The following H2BC5 variants were observed in gnomAD, a reference collection of about 807,000 sequenced individuals.
The protein encoded by H2BC5 is H2B clustered histone 5.
Under a neutral mutation model 5.7 loss-of-function variants are expected in H2BC5, and 9 were observed. The observed-to-expected ratio is 1.57, with a 90% CI of 0.95 to 2.74. The LOEUF (loss-of-function observed/expected upper bound fraction) is 2.74. H2BC5 is among the 30% of genes most tolerant of loss of function. The pLI is 0.00. For synonymous variants in H2BC5, 133 were observed against 70.9 expected (o/e 1.88, Z -4.40); for missense variants, 175 against 168.8 (o/e 1.04, Z -0.20).
chr6:26,158,187 G>A lies in H2BC5; in HGVS notation c.18G>A (p.Lys6=), dbSNP rs115064134. 1.7e-5 allele frequency: 27 copies of A among 1,614,068 alleles called. No individual in the cohort carries two copies. In the East Asian group the frequency reaches 4.0e-4, roughly 24 times the overall value. ...ACGCTACGATGCCTGAACCTACCAA[G>A]TCTGCTCCTGCCCCAAAGAAGGGCT... MPEPT[K]SAPAPKKGSK... is the part of the protein sequence containing the mutation. The change falls in exon 1 of 1, where the codon AAG becomes AAA. Residue 6 remains lysine, a synonymous_variant. Coordinates refer to ENST00000377777, the MANE Select transcript of H2BC5 (RefSeq NM_021063.4).
chr6:26,169,504 GTAA>G (rs1461419220), intron 1 of H2BC5, among the ~76,000 whole-genome samples: 2 of 151,988 alleles, frequency 1.3e-5, no homozygotes, highest in Admixed American at 1.3e-4. Context: ...TAATTTTTGA[GTAA>G]TAAAATATTG....
rs147370243 is a variant in H2BC5, at chr6:26,158,463, C to G, written c.294C>G (p.Ala98=). 3.1e-6 allele frequency: 5 copies of G among 1,614,248 alleles called. No homozygotes were observed. The South Asian group carries it at 3.3e-5, about 11-fold the overall frequency. ...STITSREIQT[A]VRLLLPGELA... The stretch of plus-strand genomic sequence containing the variant: ...TCACCTCCAGGGAGATCCAGACGGC[C>G]GTGCGCCTGCTGCTTCCGGGGGAGC... The change falls in exon 1 of 1, where the codon GCC becomes GCG. Residue 98 remains alanine (A), a synonymous_variant. Transcript: ENST00000377777.
chr6:26,158,689 T>G (rs1764285668), downstream of H2BC5: 6 of 1,306,550 alleles, frequency 4.6e-6, no homozygotes, highest in African/African-American at 8.9e-5. Context: ...TCTTTAATGT[T>G]ACGTTAGTAC....
At chr6:26,159,426 G>C (rs764419885), downstream of H2BC5, among the ~76,000 whole-genome samples, 4 of 151,956 alleles carry the variant, frequency 2.6e-5, no homozygotes, top group Non-Finnish European at 4.4e-5. Flanking sequence ...GAGTACGGAG[G>C]ACTGGAGGAG....
intron 1 of H2BC5, among the ~76,000 whole-genome samples, chr6:26,164,633 T>C (rs1764394414): frequency 1.3e-5 from 2 of 151,626 alleles, no homozygotes; most frequent in Non-Finnish European, 2.9e-5. Flanking sequence ...TTATTGATAG[T>C]TCATCTGGAT....
chr6:26,162,692 G>A (rs558464241), downstream of H2BC5, among the ~76,000 whole-genome samples: 24 of 152,072 alleles, frequency 1.6e-4, no homozygotes, highest in African/African-American at 5.8e-4. Context: ...GCACACCACC[G>A]CACTCGGCTA....
At chr6:26,167,049 CTTTTTTTT>C (rs149341201) in intron 1 of H2BC5, among the ~76,000 whole-genome samples, 128 of 97,040 alleles carry the variant, frequency 1.3e-3, no homozygotes, top group Admixed American at 5.4e-3. Flanking sequence ...TTTGTTTTCT[CTTTTTTTT>C]TTTTTTTTTT....
At chr6:26,162,756 C>T (rs1489210765), downstream of H2BC5, among the ~76,000 whole-genome samples, 1 of 152,162 alleles carries the variant, frequency 6.6e-6, no homozygotes, top group African/African-American at 2.4e-5. Context: ...CCAGGTTAGT[C>T]TCAAACTCCT....
chr6:26,159,638 G>A (rs931045769), downstream of H2BC5, among the ~76,000 whole-genome samples: 21 of 152,122 alleles, frequency 1.4e-4, 1 homozygote, highest in Admixed American at 5.9e-4. Context: ...TGAGATGGAT[G>A]AGGCTAGGTT....
At chr6:26,164,207 T>C (rs988695616) in intron 1 of H2BC5, 3 of 419,828 alleles carry the variant, frequency 7.1e-6, no homozygotes, top group African/African-American at 6.2e-5. Context: ...CAGGAAGCAG[T>C]GCCCCTCTCA....
In H2BC5 at chr6:26,158,251, A is replaced by G; in HGVS notation, c.82A>G (p.Lys28Glu). ...AVTKAQKKDGKKRKRSRKESY... is the reference protein window; with the variant it reads ...AVTKAQKKDGEKRKRSRKESY... ...GACTAAGGCTCAGAAGAAGGACGGG[A>G]AGAAGCGCAAGCGCAGCCGCAAGGA... Residue 28 changes from lysine (K) to glutamate (E), a missense_variant, in exon 1 of 1, where the codon AAG (lysine) becomes GAG (glutamate). Lys to Glu is a moderately conservative substitution (Grantham distance 56). Around this residue, in one of 4 missense-constraint regions of H2BC5, gnomAD observed 119 missense variants for 85.6 expected, o/e 1.39. Transcript: ENST00000377777. 1 of 1,614,260 alleles carries G rather than the reference A, an allele frequency of 6.2e-7. No homozygotes were observed. Among genetic ancestry groups the G allele is most frequent in the Non-Finnish European group, 8.5e-7 (1 of 1,180,034 alleles).
At chr6:26,164,655 G>A (rs1436631200) in intron 1 of H2BC5, among the ~76,000 whole-genome samples, 2 of 151,528 alleles carry the variant, frequency 1.3e-5, no homozygotes, top group African/African-American at 4.9e-5. Flanking sequence ...ACCAAAATCT[G>A]CAGCCCTACC....
Position 26,158,261 on chromosome 6 carries a change from A to G in H2BC5, c.92A>G (p.Lys31Arg). Reference protein sequence around the residue: ...KAQKKDGKKRKRSRKESYSVY... With the variant: ...KAQKKDGKKRRRSRKESYSVY... ...CAGAAGAAGGACGGGAAGAAGCGCA[A>G]GCGCAGCCGCAAGGAGAGCTATTCA... Residue 31 changes from lysine (K) to arginine (R), a missense_variant, in exon 1 of 1, where the codon AAG becomes AGG. Transcript: ENST00000377777. 1 of 1,614,272 alleles carries G rather than the reference A, an allele frequency of 6.2e-7. No homozygotes were observed. Among genetic ancestry groups the G allele is most frequent in the Non-Finnish European group, 8.5e-7 (1 of 1,180,054 alleles).
intron 1 of H2BC5, among the ~76,000 whole-genome samples, chr6:26,168,006 C>G (rs577838241): frequency 5.9e-5 from 9 of 151,900 alleles, no homozygotes; most frequent in South Asian, 2.1e-4. Context: ...AAAGCAACGT[C>G]AAATACTTGA....
intron 1 of H2BC5, among the ~76,000 whole-genome samples, chr6:26,169,258 A>G (rs1274982914): frequency 6.6e-6 from 1 of 152,198 alleles, no homozygotes; most frequent in Non-Finnish European, 1.5e-5. Context: ...GAAGTACGCA[A>G]AACTCCCTAG....
At chr6:26,159,243 G>GTTTTTT (rs35999697), downstream of H2BC5, among the ~76,000 whole-genome samples, 222 of 61,426 alleles carry the variant, frequency 3.6e-3, 24 homozygotes, top group African/African-American at 0.011. Flanking sequence ...TAATTTATAG[G>GTTTTTT]TTTTTTTTTT....
At chr6:26,162,196 G>A (rs1472043031), downstream of H2BC5, among the ~76,000 whole-genome samples, 3 of 152,114 alleles carry the variant, frequency 2.0e-5, no homozygotes, top group Non-Finnish European at 2.9e-5. Context: ...AGGATAATTG[G>A]ATAATTGGTT....
At chr6:26,161,378 C>T (rs967662292), downstream of H2BC5, among the ~76,000 whole-genome samples, 58 of 152,220 alleles carry the variant, frequency 3.8e-4, no homozygotes, top group African/African-American at 1.3e-3. Context: ...TTAACAGCAG[C>T]CAATTGGACC....
At chr6:26,160,852 G>C (rs1288207261), downstream of H2BC5, 1 of 140,402 alleles carries the variant, frequency 7.1e-6, no homozygotes, top group African/African-American at 2.7e-5. Flanking sequence ...CTGGGCCACA[G>C]AATGAGACTC....
Sources: gnomAD v4.1 joint callset for allele counts (sites outside exome capture counted in the v4.1 genomes callset) on GRCh38, gnomAD v4.1.1 for gene constraint, gnomAD v4.1.1 regional missense constraint, MANE v1.5 for transcripts, NCBI Gene and HGNC (gene_info 2026-07-23, HGNC 2026-07-21) for gene names.